UBR3: variants seen among roughly 807,000 people sequenced by gnomAD.
The protein encoded by UBR3 is ubiquitin protein ligase E3 component n-recognin 3, also known as E3 ubiquitin-protein ligase UBR3.
In UBR3, 85 loss-of-function variants were observed where a neutral mutation model predicts 243.2. That is an observed-to-expected ratio of 0.35 (90% CI 0.29 to 0.42). The LOEUF is 0.42. Among genes scored for constraint, UBR3 ranks in the 10% least tolerant of loss-of-function variants. The pLI is 1.00. For synonymous variants in UBR3, 748 were observed against 799.8 expected (o/e 0.94, Z 1.09); for missense variants, 1,686 against 2,300.8 (o/e 0.73, Z 5.47).
intron 36 of UBR3, among the ~76,000 whole-genome samples, chr2:170,074,562 A>T (rs746825303): frequency 6.6e-6 from 1 of 152,178 alleles, no homozygotes; most frequent in South Asian, 2.1e-4. Context: ...AGAATGTTTC[A>T]TAAGTATGCT....
At chr2:169,846,985 C>G (rs1181121332) in intron 1 of UBR3, among the ~76,000 whole-genome samples, 2 of 152,032 alleles carry the variant, frequency 1.3e-5, no homozygotes, top group Non-Finnish European at 2.9e-5. Flanking sequence ...ATCTGCTGGC[C>G]CCTTGGCCTT....
chr2:169,979,788 AATT>A (rs1198873601), intron 24 of UBR3, among the ~76,000 whole-genome samples: 1 of 152,320 alleles, frequency 6.6e-6, no homozygotes. Context: ...AGAGCATTGA[AATT>A]ATTCTGTGTG....
intron 31 of UBR3, among the ~76,000 whole-genome samples, chr2:170,036,028 T>G (rs568183210): frequency 1.3e-5 from 2 of 152,106 alleles, no homozygotes; most frequent in East Asian, 3.9e-4. Flanking sequence ...TCCTGTAGCC[T>G]TGTTACAATC....
chr2:169,939,528 A>T (rs1209411548), intron 19 of UBR3, among the ~76,000 whole-genome samples: 2 of 151,632 alleles, frequency 1.3e-5, no homozygotes, highest in Non-Finnish European at 2.9e-5. Flanking sequence ...CAGTCTCCCA[A>T]AGTGCTGGGA....
At chr2:169,896,413 A>G (rs1357760533) in intron 7 of UBR3, 94 bp from the exon 8 acceptor site, 3 of 721,032 alleles carry the variant, frequency 4.2e-6, no homozygotes, top group Non-Finnish European at 6.3e-6. Context: ...TAAATTAGTA[A>G]TAGCTGTAAA....
At chr2:169,828,377 G>A (rs1356756077) in intron 1 of UBR3, among the ~76,000 whole-genome samples, 1 of 152,176 alleles carries the variant, frequency 6.6e-6, no homozygotes, top group African/African-American at 2.4e-5. Flanking sequence ...GGAAGCTCGT[G>A]TCGAGCTGTC....
At chr2:169,923,286 A>G (rs1251242781) in intron 11 of UBR3, among the ~76,000 whole-genome samples, 2 of 152,186 alleles carry the variant, frequency 1.3e-5, no homozygotes. Flanking sequence ...ACCTCTGTTT[A>G]GGGATGTGGT....
intron 20 of UBR3, among the ~76,000 whole-genome samples, chr2:169,945,181 G>A (rs188471957): frequency 1.1e-3 from 164 of 151,166 alleles, no homozygotes; most frequent in African/African-American, 3.8e-3. Context: ...ACAAGTGAAA[G>A]GGCTAGGAGG....
At chr2:169,936,744 TC>T (rs534042362) in intron 19 of UBR3, among the ~76,000 whole-genome samples, 269 of 152,266 alleles carry the variant, frequency 1.8e-3, no homozygotes, top group African/African-American at 6.1e-3. Context: ...ATTGTTCAAT[TC>T]CCACCTATGA....
intron 6 of UBR3, among the ~76,000 whole-genome samples, chr2:169,893,450 G>A (rs190529469): frequency 1.2e-4 from 19 of 152,300 alleles, no homozygotes; most frequent in Admixed American, 5.9e-4. Context: ...ACATTAAGAA[G>A]CACTTACCAA....
chr2:169,990,694 T>C (rs536876784), intron 25 of UBR3, among the ~76,000 whole-genome samples: 141 of 143,280 alleles, frequency 9.8e-4, no homozygotes, highest in African/African-American at 3.6e-3. Flanking sequence ...ATCCCTGGGG[T>C]AAACACTATA....
intron 24 of UBR3, chr2:169,964,491 C>T (rs1338987200): frequency 2.1e-6 from 1 of 466,462 alleles, no homozygotes; most frequent in South Asian, 1.6e-5. Context: ...GTCACCTTAT[C>T]CTCTGAGGAA....
At chr2:169,837,061 A>G (rs922230796) in intron 1 of UBR3, among the ~76,000 whole-genome samples, 1 of 152,208 alleles carries the variant, frequency 6.6e-6, no homozygotes, top group African/African-American at 2.4e-5. Context: ...AAATGCTTAT[A>G]TGTTTTCTAC....
intron 1 of UBR3, among the ~76,000 whole-genome samples, chr2:169,839,748 A>G (rs1022725239): frequency 3.3e-5 from 5 of 152,242 alleles, no homozygotes; most frequent in Non-Finnish European, 7.3e-5. Flanking sequence ...GCAAGAAGAG[A>G]GGAGTGACAG....
chr2:170,073,729 T>G, intron 36 of UBR3, 122 bp downstream of exon 36: 1 of 1,024,372 alleles, frequency 9.8e-7, no homozygotes, highest in Non-Finnish European at 1.4e-6. Flanking sequence ...CTTGATTAAA[T>G]TGAAAAAATT....
At chr2:169,865,443 T>C (rs566313832) in intron 1 of UBR3, among the ~76,000 whole-genome samples, 2 of 152,322 alleles carry the variant, frequency 1.3e-5, no homozygotes, top group Admixed American at 1.3e-4. Flanking sequence ...TTTTTTACTT[T>C]TTTGACCATT....
intron 35 of UBR3, among the ~76,000 whole-genome samples, chr2:170,064,702 G>A (rs1250834459): frequency 6.7e-6 from 1 of 150,322 alleles, no homozygotes; most frequent in Non-Finnish European, 1.5e-5. Context: ...ATTTGTTTCT[G>A]TACTAGCAGC....
intron 1 of UBR3, among the ~76,000 whole-genome samples, chr2:169,871,898 A>G (rs990674121): frequency 5.3e-5 from 8 of 152,184 alleles, no homozygotes; most frequent in African/African-American, 1.9e-4. Flanking sequence ...AAAGTGATCA[A>G]CTTGTACTTA....
At chr2:169,897,295 C>T (rs1398661037) in intron 8 of UBR3, among the ~76,000 whole-genome samples, 1 of 151,862 alleles carries the variant, frequency 6.6e-6, no homozygotes, top group Non-Finnish European at 1.5e-5. Context: ...GCCTTTACTC[C>T]CTTAGTGAGA....
Sources: allele counts gnomAD v4.1 joint callset (sites outside exome capture counted in the v4.1 genomes callset), GRCh38; gene constraint gnomAD v4.1.1; transcripts MANE v1.5; gene names NCBI Gene and HGNC (gene_info 2026-07-23, HGNC 2026-07-21).